Variants in PRIM1 observed in about 807,000 individuals in gnomAD.
The protein encoded by PRIM1 is DNA primase subunit 1, also known as DNA primase small subunit.
PRIM1 carries 38 observed loss-of-function variants against 60.2 expected under a neutral mutation model. The ratio of observed to expected loss-of-function variants is 0.63; its 90% CI spans 0.49 to 0.83. The LOEUF (loss-of-function observed/expected upper bound fraction) is 0.83, where lower values mean the gene tolerates loss of function less well. Ranked by LOEUF, PRIM1 falls within the 40% of genes least tolerant of loss-of-function variation. The pLI is 0.00. For synonymous variants in PRIM1, 158 were observed against 160.2 expected (o/e 0.99, Z 0.10); for missense variants, 388 against 506.2 (o/e 0.77, Z 2.24).
intron 4 of PRIM1, 106 bp downstream of exon 4, chr12:56,746,666 ACACACACAC>A: frequency 1.2e-6 from 1 of 836,960 alleles, no homozygotes; most frequent in Non-Finnish European, 1.9e-6. Context: ...ACACACACAC[ACACACACAC>A]AAATTAATGA....
Position 56,746,842 on chromosome 12 carries a change from T to C in PRIM1, c.381A>G (p.Ile127Met), listed in dbSNP as rs1953911715. The C allele has an allele frequency of 1.9e-6, 3 of 1,613,916 alleles. No individual in the cohort carries two copies. The highest frequency in any genetic ancestry group is 2.5e-6 in the Non-Finnish European group (3 of 1,179,858). Residue 127 changes from isoleucine to methionine, a missense_variant, in exon 4 of 13, where the codon ATA (isoleucine) becomes ATG (methionine). Ile to Met is a conservative substitution (Grantham distance 10). Transcript: ENST00000338193. Reference sequence around the variant, plus strand: ...TCATGAGGGTCCAGCACTTAGGACATATGTCTGCAGAACTAAAGCAGAGTC... The same window carrying C: ...TCATGAGGGTCCAGCACTTAGGACACATGTCTGCAGAACTAAAGCAGAGTC... ...DVRRCCSSAD[I>M]CPKCWTLMTM...
At chr12:56,745,896 G>T in intron 5 of PRIM1, 149 bp downstream of exon 5, 1 of 767,162 alleles carries the variant, frequency 1.3e-6, no homozygotes, top group Non-Finnish European at 1.9e-6. Context: ...CCAAGATCAT[G>T]CCATTGCAGT....
chr12:56,750,027 T>C (rs1358492793), intron 2 of PRIM1, among the ~76,000 whole-genome samples: 1 of 151,964 alleles, frequency 6.6e-6, no homozygotes, highest in Non-Finnish European at 1.5e-5. Flanking sequence ...GAGCAAAGAT[T>C]TGAAGGAGGT....
At chr12:56,748,937 G>C (rs1430589672) in intron 2 of PRIM1, among the ~76,000 whole-genome samples, 1 of 151,964 alleles carries the variant, frequency 6.6e-6, no homozygotes, top group Non-Finnish European at 1.5e-5. Flanking sequence ...GCCTGGGCAA[G>C]AGAGCTAGAC....
At chr12:56,732,472 A>C (rs1592330162) in intron 12 of PRIM1, among the ~76,000 whole-genome samples, 1 of 152,136 alleles carries the variant, frequency 6.6e-6, no homozygotes. Context: ...CTTGGGCTCT[A>C]TTCTAGTCCC....
In PRIM1 at chr12:56,750,944, A is replaced by T. The variant is rs1455590198; in HGVS notation, c.261+94T>A. The T allele has an allele frequency of 3.4e-6, 3 of 886,550 alleles. No homozygotes were observed. The African/African-American group carries it at 5.2e-5, about 15-fold the overall frequency. 54.9% of individuals were successfully genotyped at this position (886,550 alleles called of 1,614,324 possible). ...AAAAGTGGCTTTTCATCTAGAATAA[A>T]CTCTAAAAATTTAATCTCAAAACGC... On this transcript the variant is annotated intron_variant, in intron 2 of 12. Transcript: ENST00000338193.
At chr12:56,750,489 A>G (rs929480379) in intron 2 of PRIM1, among the ~76,000 whole-genome samples, 1 of 152,224 alleles carries the variant, frequency 6.6e-6, no homozygotes, top group Admixed American at 6.5e-5. Flanking sequence ...GGTAAAGATA[A>G]TAAGTTTTAT....
In PRIM1 at chr12:56,739,481, A is replaced by T. The variant is rs927921158; in HGVS notation, c.983-118T>A. ...AAGGCTTAGACAAAGGGTTAAACTT[A>T]TCTGTTAAGAAGAGTATTTAGAAAT... is the stretch of plus-strand genomic sequence containing the variant. On this transcript the variant is annotated intron_variant, in intron 9 of 12. Transcript: ENST00000338193. 4 of 571,416 alleles carry T rather than the reference A, an allele frequency of 7.0e-6. No individual in the cohort carries two copies. In the African/African-American group the frequency reaches 7.5e-5, roughly 11 times the overall value. 35.4% of individuals were successfully genotyped at this position (571,416 alleles called of 1,614,324 possible).
At position 56,738,440 on chromosome 12, in the gene PRIM1, T is replaced by C. The variant is rs1315797164; in HGVS notation, c.1138A>G (p.Thr380Ala). 2 of 1,578,446 alleles carry C rather than the reference T, an allele frequency of 1.3e-6. No homozygotes were observed. The highest frequency in any genetic ancestry group is 1.7e-6 in the Non-Finnish European group (2 of 1,160,396). ...NEAESDVKHR[T>A]RDYKKTSLAP... ...CTTCAAAATATTACCTTACCTCTGG[T>C]TCTATGTTTGACATCAGATTCAGCT... is the stretch of plus-strand genomic sequence containing the variant. The change falls in exon 11 of 13, where the codon ACC (threonine) becomes GCC (alanine). Residue 380 changes from threonine (T) to alanine (A), a missense_variant. Around this residue, in one of 3 missense-constraint regions of PRIM1, gnomAD observed 211 missense variants for 277.9 expected, o/e 0.76. Coordinates refer to ENST00000338193, the MANE Select transcript of PRIM1 (RefSeq NM_000946.3).
chr12:56,747,792 G>A (rs1454431128), intron 2 of PRIM1, among the ~76,000 whole-genome samples: 1 of 152,098 alleles, frequency 6.6e-6, no homozygotes, highest in Non-Finnish European at 1.5e-5. Flanking sequence ...TTTTATAACT[G>A]TAAGTCAGAA....
chr12:56,734,162 G>C lies in PRIM1; in HGVS notation c.1228C>G (p.Leu410Val). Residue 410 changes from leucine (L) to valine (V), a missense_variant, in exon 12 of 13, where the codon CTT (leucine) becomes GTT (valine). Leu to Val is a conservative substitution (Grantham distance 32). Around this residue, in one of 3 missense-constraint regions of PRIM1, gnomAD observed 211 missense variants for 277.9 expected, o/e 0.76. Coordinates refer to ENST00000338193, the MANE Select transcript of PRIM1 (RefSeq NM_000946.3). ...AGCGTCTTACCACTCTTCTTAAGAA[G>C]TTCTCCTTTTCGGGATTTATCCAGA... ...ENLDKSRKGELLKKSDLQKDF is the reference protein window; with the variant it reads ...ENLDKSRKGEVLKKSDLQKDF The C allele has an allele frequency of 6.2e-7, 1 of 1,601,064 alleles. No individual in the cohort carries two copies. Among genetic ancestry groups the C allele is most frequent in the Non-Finnish European group, 8.6e-7 (1 of 1,168,980 alleles).
chr12:56,738,290 A>C (rs1187682305), intron 11 of PRIM1, 144 bp downstream of exon 11: 1 of 1,178,504 alleles, frequency 8.5e-7, no homozygotes, highest in Non-Finnish European at 1.2e-6. Context: ...GCTGCTGTTG[A>C]AGAAAGGACA....
chr12:56,741,119 C>T (rs1269395345), intron 9 of PRIM1, among the ~76,000 whole-genome samples: 1 of 151,998 alleles, frequency 6.6e-6, no homozygotes, highest in Non-Finnish European at 1.5e-5. Context: ...CAGTCACACA[C>T]AATTTTTTTT....
intron 10 of PRIM1, 124 bp downstream of exon 10, chr12:56,739,170 A>C: frequency 6.3e-6 from 4 of 629,996 alleles, no homozygotes; most frequent in Non-Finnish European, 9.8e-6. Flanking sequence ...TTTGAACCTT[A>C]TTTGGTTTCC....
intron 10 of PRIM1, among the ~76,000 whole-genome samples, chr12:56,738,816 T>A (rs1953852310): frequency 6.6e-6 from 1 of 152,148 alleles, no homozygotes; most frequent in African/African-American, 2.4e-5. Flanking sequence ...TCCCAAAGTG[T>A]TGGGATTACA....
chr12:56,741,711 A>C, intron 8 of PRIM1, 35 bp downstream of exon 8: 3 of 1,594,368 alleles, frequency 1.9e-6, no homozygotes, highest in Non-Finnish European at 2.6e-6. Context: ...GAATTGCATT[A>C]TTATATCTGT....
chr12:56,741,308 G>C (rs1045530767), intron 9 of PRIM1, 127 bp downstream of exon 9: 2 of 1,036,758 alleles, frequency 1.9e-6, no homozygotes, highest in Non-Finnish European at 2.7e-6. Context: ...TTAGGTATTG[G>C]GTGACAGAGC....
At chr12:56,735,502 C>T (rs111441926) in intron 11 of PRIM1, among the ~76,000 whole-genome samples, 2,193 of 152,282 alleles carry the variant, frequency 0.014, 56 homozygotes, top group African/African-American at 0.05. Context: ...TTAAATGATC[C>T]TCCCACCTCA....
In PRIM1 at chr12:56,741,554, T is replaced by C; in HGVS notation, c.863A>G (p.Tyr288Cys). 2 of 1,612,322 alleles carry C rather than the reference T, an allele frequency of 1.2e-6. No individual in the cohort carries two copies. Among genetic ancestry groups the C allele is most frequent in the Non-Finnish European group, 1.7e-6 (2 of 1,179,480 alleles). ...RYQNNIKNDK[Y>C]GPWLEWEIML... ...AATCTCCCACTCCAGCCAGGGTCCA[T>C]ATTTGTCATTTTTGATGTTATTCTA... Residue 288 changes from tyrosine (Y) to cysteine (C), a missense_variant, in exon 9 of 13, where the codon TAT becomes TGT. Physicochemically the swap from Tyr to Cys is radical, Grantham distance 194 (BLOSUM62 -2). This residue lies in a region of PRIM1 where 211 missense variants were observed against 277.9 expected (regional missense o/e 0.76). Transcript: ENST00000338193.
Sources: allele counts gnomAD v4.1 joint callset (sites outside exome capture counted in the v4.1 genomes callset), GRCh38; gene constraint gnomAD v4.1.1; regional missense constraint gnomAD v4.1.1; transcripts MANE v1.5; gene names NCBI Gene and HGNC (gene_info 2026-07-23, HGNC 2026-07-21).